Variants in MDN1 observed in about 807,000 individuals in gnomAD.
MDN1 encodes the protein midasin.
In MDN1, 266 loss-of-function variants were observed where a neutral mutation model predicts 669.2. That is an observed-to-expected ratio of 0.40 (90% CI 0.36 to 0.44). MDN1 has a LOEUF of 0.44. Among genes scored for constraint, MDN1 ranks in the 20% least tolerant of loss-of-function variants. The pLI is 1.00. For missense variants in MDN1, 5,940 were observed against 6,754.0 expected (o/e 0.88, Z 4.22); for synonymous variants, 2,385 against 2,457.1 (o/e 0.97, Z 0.87).
At chr6:89,780,114 A>C in intron 11 of MDN1, 98 bp downstream of exon 11, 1 of 663,406 alleles carries the variant, frequency 1.5e-6, no homozygotes, top group East Asian at 3.0e-5. Context: ...CTTGGAAAAA[A>C]GAAAAAAGTC....
chr6:89,722,887 T>C, intron 40 of MDN1, 68 bp downstream of exon 40: 1 of 1,389,710 alleles, frequency 7.2e-7, no homozygotes, highest in Non-Finnish European at 9.9e-7. Context: ...TTAGTGTATG[T>C]CCTTTCTCAC....
intron 15 of MDN1, among the ~76,000 whole-genome samples, chr6:89,765,448 T>C (rs1245729557): frequency 2.6e-5 from 4 of 152,180 alleles, no homozygotes; most frequent in Non-Finnish European, 1.5e-5. Flanking sequence ...AATATATGTG[T>C]CATTTAAATA....
chr6:89,711,928 A>G (rs1176479555), intron 49 of MDN1, 108 bp downstream of exon 49: 6 of 1,024,916 alleles, frequency 5.9e-6, no homozygotes, highest in Middle Eastern at 6.4e-4. Context: ...AGACCTCCCA[A>G]CTGTAATTTT....
At chr6:89,772,803 T>G (rs1562203290) in intron 13 of MDN1, 82 bp from the exon 14 acceptor site, 1 of 1,466,328 alleles carries the variant, frequency 6.8e-7, no homozygotes, top group African/African-American at 1.4e-5. Flanking sequence ...TATTCCAGAT[T>G]CAACAACAAG....
intron 14 of MDN1, among the ~76,000 whole-genome samples, chr6:89,772,025 T>C (rs1261889752): frequency 6.6e-6 from 1 of 152,156 alleles, no homozygotes; most frequent in African/African-American, 2.4e-5. Context: ...AATTTTCAAA[T>C]GTGCCTTTGC....
intron 99 of MDN1, among the ~76,000 whole-genome samples, chr6:89,647,277 C>T (rs1198908160): frequency 1.3e-5 from 2 of 152,150 alleles, no homozygotes; most frequent in South Asian, 2.1e-4. Flanking sequence ...CAAGAAAATA[C>T]AAAATGTCCA....
At position 89,727,963 on chromosome 6, in the gene MDN1, A is replaced by AG. The variant is rs1336700538; in HGVS notation, c.5350-9dup. The AG allele has an allele frequency of 6.3e-7, 1 of 1,599,210 alleles. No individual in the cohort carries two copies. The highest frequency in any genetic ancestry group is 8.5e-7 in the Non-Finnish European group (1 of 1,174,288). On this transcript the variant is annotated splice_polypyrimidine_tract_variant and intron_variant, in intron 36 of 101. Transcript: ENST00000369393. ...AAACAGGTCTGTGATGTCCTTTGAA[A>AG]GGGGAAGAAATGGAAAGAAGCCATT... is the stretch of plus-strand genomic sequence containing the variant.
intron 17 of MDN1, among the ~76,000 whole-genome samples, chr6:89,760,265 T>C (rs1286059757): frequency 1.3e-5 from 2 of 152,120 alleles, no homozygotes; most frequent in Non-Finnish European, 2.9e-5. Flanking sequence ...AGTTGATCCT[T>C]CCTACAGGGT....
intron 1 of MDN1, 83 bp downstream of exon 1, chr6:89,819,423 G>C: frequency 7.8e-7 from 1 of 1,290,130 alleles, no homozygotes; most frequent in South Asian, 1.2e-5. Context: ...TTAAAGCGGC[G>C]AGTATCGGCG....
At chr6:89,804,644 C>T (rs9362689) in intron 1 of MDN1, among the ~76,000 whole-genome samples, 29,883 of 151,980 alleles carry the variant, frequency 0.2, 3,141 homozygotes, top group African/African-American at 0.27. Context: ...GAGGATATCC[C>T]TATCAAGCTG....
At chr6:89,815,527 C>CT (rs1372985758) in intron 1 of MDN1, 6 of 249,944 alleles carry the variant, frequency 2.4e-5, no homozygotes, top group Admixed American at 1.1e-4. Context: ...AAAGACCTGA[C>CT]TAGCAAGGAG....
intron 97 of MDN1, among the ~76,000 whole-genome samples, chr6:89,648,565 C>A (rs541786145): frequency 6.6e-6 from 1 of 151,996 alleles, no homozygotes; most frequent in South Asian, 2.1e-4. Context: ...CTGTAGACAT[C>A]GAATAAAAAG....
chr6:89,742,580 A>G (rs1043145223), intron 31 of MDN1, among the ~76,000 whole-genome samples: 2 of 152,184 alleles, frequency 1.3e-5, no homozygotes, highest in African/African-American at 2.4e-5. Context: ...AGAACCCATC[A>G]TGGGATTATA....
chr6:89,713,313 G>A lies in MDN1; in HGVS notation c.7070-17C>T, dbSNP rs747806817. ...TTGGAGAACCTATTAAAAAAAAATT[G>A]CCATCTATAAACAATAGAGTCTTTA... On this transcript the variant is annotated splice_polypyrimidine_tract_variant and intron_variant, in intron 46 of 101. Transcript: ENST00000369393. The A allele has an allele frequency of 3.1e-6, 5 of 1,598,460 alleles. No homozygotes were observed. In the South Asian group the frequency reaches 3.3e-5, roughly 11 times the overall value.
At chr6:89,664,364 T>G in intron 85 of MDN1, 123 bp downstream of exon 85, 1 of 1,247,094 alleles carries the variant, frequency 8.0e-7, no homozygotes, top group Non-Finnish European at 1.1e-6. Flanking sequence ...TCATTTGCAC[T>G]TAAGCACAGT....
intron 33 of MDN1, among the ~76,000 whole-genome samples, chr6:89,734,192 C>T (rs950723791): frequency 1.2e-4 from 18 of 151,620 alleles, no homozygotes; most frequent in African/African-American, 4.1e-4. Flanking sequence ...GGCTGAGGCA[C>T]GAGAATTGCT....
intron 69 of MDN1, 93 bp from the exon 70 acceptor site, chr6:89,686,066 G>A (rs1811983627): frequency 8.1e-7 from 1 of 1,240,602 alleles, no homozygotes; most frequent in Admixed American, 2.2e-5. Context: ...TACTACGGAT[G>A]GCCAAGAGGT....
intron 17 of MDN1, among the ~76,000 whole-genome samples, chr6:89,760,792 A>G (rs1358260103): frequency 6.6e-6 from 1 of 152,204 alleles, no homozygotes; most frequent in Non-Finnish European, 1.5e-5. Context: ...ATCTAAAACA[A>G]TGGAACTCAA....
chr6:89,680,236 C>T (rs915016080), intron 74 of MDN1, among the ~76,000 whole-genome samples: 1 of 152,236 alleles, frequency 6.6e-6, no homozygotes, highest in Non-Finnish European at 1.5e-5. Context: ...ATGAATCCTC[C>T]TCAAGTGAGA....
Sources: gnomAD v4.1 joint callset for allele counts (sites outside exome capture counted in the v4.1 genomes callset) on GRCh38, gnomAD v4.1.1 for gene constraint, MANE v1.5 for transcripts, NCBI Gene and HGNC (gene_info 2026-07-23, HGNC 2026-07-21) for gene names.